OXR1: variants seen among roughly 807,000 people sequenced by gnomAD.
OXR1 encodes the protein oxidation resistance protein 1.
Under a neutral mutation model 104.6 loss-of-function variants are expected in OXR1, and 41 were observed. The ratio of observed to expected loss-of-function variants is 0.39; its 90% CI spans 0.31 to 0.51. The LOEUF (loss-of-function observed/expected upper bound fraction) is 0.51. Ranked by LOEUF, OXR1 falls within the 20% of genes least tolerant of loss-of-function variation. OXR1 has a pLI of 0.77. For synonymous variants in OXR1, 348 were observed against 348.4 expected (o/e 1.00, Z 0.01); for missense variants, 955 against 1,031.9 (o/e 0.93, Z 1.02).
intron 3 of OXR1, among the ~76,000 whole-genome samples, chr8:106,643,537 T>C (rs1354827187): frequency 6.6e-6 from 1 of 152,186 alleles, no homozygotes; most frequent in Non-Finnish European, 1.5e-5. Flanking sequence ...TATTTGCTCT[T>C]ATTTTACAGA....
intron 2 of OXR1, among the ~76,000 whole-genome samples, chr8:106,405,181 TA>T (rs1818179001): frequency 1.1e-4 from 2 of 17,894 alleles, no homozygotes; most frequent in Admixed American, 7.5e-4. Flanking sequence ...TATATATATA[TA>T]TATATATATA....
intron 11 of OXR1, among the ~76,000 whole-genome samples, chr8:106,716,747 T>C (rs1832303393): frequency 6.6e-6 from 1 of 151,880 alleles, no homozygotes; most frequent in Admixed American, 6.6e-5. Flanking sequence ...ATTGAAGTGA[T>C]AATATTTTGA....
intron 1 of OXR1, among the ~76,000 whole-genome samples, chr8:106,323,644 G>C (rs565712646): frequency 6.6e-6 from 1 of 151,860 alleles, no homozygotes; most frequent in Admixed American, 6.6e-5. Context: ...CATTTATAAG[G>C]AACTTAAATA....
intron 3 of OXR1, among the ~76,000 whole-genome samples, chr8:106,541,319 G>A (rs898277191): frequency 3.9e-5 from 6 of 152,132 alleles, no homozygotes; most frequent in South Asian, 2.1e-4. Flanking sequence ...AAACAAATTC[G>A]TATAATGTTG....
intron 3 of OXR1, among the ~76,000 whole-genome samples, chr8:106,660,331 C>A (rs983674042): frequency 6.6e-6 from 1 of 152,158 alleles, no homozygotes. Flanking sequence ...GTGTTTGTGT[C>A]CTTTAGAATG....
rs559705978 is a variant in OXR1 at position 106,482,922 on chromosome 8, A to G, written c.24-36021A>G. 9.9e-5 allele frequency among the ~76,000 whole-genome samples: 15 copies of G among 151,990 alleles called. 1 individual carries two copies. Among genetic ancestry groups the G allele is most frequent in the Admixed American group, 3.3e-4 (5 of 15,230 alleles). ...TATCATTTCCTAAACACTTAGTTGTATGAGCTTTAAGTTACTATGAAGATA... is the reference window on the plus strand; with the variant it reads ...TATCATTTCCTAAACACTTAGTTGTGTGAGCTTTAAGTTACTATGAAGATA... On this transcript the variant is annotated intron_variant, in intron 2 of 16. Transcript: ENST00000517566.
chr8:106,366,477 G>A (rs568271589), intron 2 of OXR1, among the ~76,000 whole-genome samples: 260 of 152,276 alleles, frequency 1.7e-3, no homozygotes, highest in Non-Finnish European at 2.1e-3. Flanking sequence ...TAGGCTAAGA[G>A]ATGTTACTTT....
chr8:106,567,011 T>G (rs1004659751), intron 3 of OXR1, among the ~76,000 whole-genome samples: 2 of 152,134 alleles, frequency 1.3e-5, no homozygotes, highest in Non-Finnish European at 2.9e-5. Context: ...AAGTACCTAA[T>G]GTAGATGATG....
At chr8:106,278,348 C>T (rs1399447123) in intron 1 of OXR1, among the ~76,000 whole-genome samples, 7 of 152,000 alleles carry the variant, frequency 4.6e-5, no homozygotes, top group Admixed American at 1.3e-4. Flanking sequence ...TCTAACATCC[C>T]GTGATTTATT....
At chr8:106,686,426 T>C (rs1210715243) in intron 6 of OXR1, among the ~76,000 whole-genome samples, 3 of 152,010 alleles carry the variant, frequency 2.0e-5, no homozygotes, top group Non-Finnish European at 4.4e-5. Context: ...TAAATTTTAG[T>C]TGTATTTTTT....
intron 3 of OXR1, among the ~76,000 whole-genome samples, chr8:106,642,420 G>C (rs965782100): frequency 1.8e-4 from 28 of 152,136 alleles, no homozygotes; most frequent in Non-Finnish European, 3.8e-4. Flanking sequence ...TCTCCACTAA[G>C]GGTGGGTTCA....
chr8:106,525,154 A>C (rs1024345897), intron 3 of OXR1, among the ~76,000 whole-genome samples: 1 of 152,222 alleles, frequency 6.6e-6, no homozygotes, highest in Non-Finnish European at 1.5e-5. Context: ...TGTCCTTTGA[A>C]GTGGAAGAGG....
intron 2 of OXR1, among the ~76,000 whole-genome samples, chr8:106,368,844 T>C (rs1193891649): frequency 1.3e-5 from 2 of 152,198 alleles, no homozygotes. Context: ...CTATGGTAAA[T>C]AGTGCTGCAA....
intron 3 of OXR1, among the ~76,000 whole-genome samples, chr8:106,591,912 AT>A (rs1428395102): frequency 1.3e-5 from 2 of 152,228 alleles, no homozygotes; most frequent in Non-Finnish European, 2.9e-5. Context: ...AAAATGGTAA[AT>A]GAGGGGACAC....
intron 3 of OXR1, among the ~76,000 whole-genome samples, chr8:106,672,607 A>G (rs1827155667): frequency 6.6e-6 from 1 of 152,184 alleles, no homozygotes; most frequent in Admixed American, 6.5e-5. Context: ...ACCTGCTTAG[A>G]TACACACCAG....
chr8:106,405,202 A>AGTGTGT (rs58338664), intron 2 of OXR1, among the ~76,000 whole-genome samples: 34 of 20,026 alleles, frequency 1.7e-3, no homozygotes, highest in South Asian at 0.015. Flanking sequence ...ATATATATAT[A>AGTGTGT]GTGTGTGTGT....
chr8:106,717,843 T>A (rs1255326464), intron 11 of OXR1, among the ~76,000 whole-genome samples: 1 of 152,192 alleles, frequency 6.6e-6, no homozygotes. Context: ...AAGCCATAGA[T>A]TCTGGACATT....
chr8:106,586,528 C>T (rs1044988930), intron 3 of OXR1, among the ~76,000 whole-genome samples: 34 of 152,248 alleles, frequency 2.2e-4, no homozygotes, highest in African/African-American at 8.2e-4. Flanking sequence ...AATAAACTAG[C>T]TGGCTATTTG....
At chr8:106,334,826 A>T (rs1335272270) in intron 1 of OXR1, among the ~76,000 whole-genome samples, 1 of 152,086 alleles carries the variant, frequency 6.6e-6, no homozygotes, top group Admixed American at 6.6e-5. Context: ...TATCCTCCAT[A>T]CTGAAAGCAG....
Sources: gnomAD v4.1 joint callset for allele counts (sites outside exome capture counted in the v4.1 genomes callset) on GRCh38, gnomAD v4.1.1 for gene constraint, MANE v1.5 for transcripts, NCBI Gene and HGNC (gene_info 2026-07-23, HGNC 2026-07-21) for gene names.